ANO1: variants seen among roughly 807,000 people sequenced by gnomAD.
The protein encoded by ANO1 is anoctamin-1.
A neutral mutation model predicts 124.0 loss-of-function variants in ANO1; 59 were observed. The ratio of observed to expected loss-of-function variants is 0.48; its 90% confidence interval spans 0.39 to 0.59. The LOEUF is 0.59. Ranked by LOEUF, ANO1 falls within the 20% of genes least tolerant of loss-of-function variation. The pLI is 0.00. For synonymous variants in ANO1, 529 were observed against 532.0 expected (o/e 0.99, Z 0.08); for missense variants, 1,059 against 1,328.0 (o/e 0.80, Z 3.15).
At chr11:70,133,088 G>T (rs2135531182) in intron 11 of ANO1, among the ~76,000 whole-genome samples, 1 of 152,184 alleles carries the variant, frequency 6.6e-6, no homozygotes, top group Non-Finnish European at 1.5e-5. Flanking sequence ...CTTGGGGCAG[G>T]CTCCCGGGGC....
chr11:70,158,935 C>T (rs146147533), intron 16 of ANO1, among the ~76,000 whole-genome samples: 3 of 152,170 alleles, frequency 2.0e-5, no homozygotes, highest in African/African-American at 4.8e-5. Context: ...CCCCTCTGGC[C>T]AGGTGCCAGG....
chr11:70,064,706 G>A (rs1857675116), intron 1 of ANO1: 1 of 152,212 alleles, frequency 6.6e-6, no homozygotes, highest in African/African-American at 2.4e-5. Flanking sequence ...GCCGTCTGTG[G>A]GCCTGATGCT....
At chr11:70,056,825 T>G (rs1857445768) in intron 1 of ANO1, among the ~76,000 whole-genome samples, 1 of 108,752 alleles carries the variant, frequency 9.2e-6, no homozygotes, top group African/African-American at 3.4e-5. Flanking sequence ...TTCTGTGTTT[T>G]ACATCTTTTT....
the ANO1 span, among the ~76,000 whole-genome samples, chr11:69,969,744 C>A: frequency 6.6e-6 from 1 of 152,048 alleles, no homozygotes; most frequent in Non-Finnish European, 1.5e-5. Context: ...GTCAGGAGTT[C>A]GAGAACAGCC....
chr11:70,105,714 C>T lies in ANO1; in HGVS notation c.693-20C>T. On this transcript the variant is annotated intron_variant, in intron 4 of 25. Transcript: ENST00000355303. ...AGCTCTGGTGAACTGTGTCTTGTTT[C>T]CTTCCCGATATTTCCACAGATTTGA... 1 of 1,612,746 alleles carries T rather than the reference C, an allele frequency of 6.2e-7. No homozygotes were observed. The highest frequency in any genetic ancestry group is 8.5e-7 in the Non-Finnish European group (1 of 1,178,982).
intron 1 of ANO1, among the ~76,000 whole-genome samples, chr11:70,032,251 G>T (rs896605678): frequency 1.3e-5 from 2 of 152,324 alleles, no homozygotes; most frequent in African/African-American, 4.8e-5. Context: ...TCTGTCAGGA[G>T]AGAAGCAGTC....
At chr11:69,981,678 C>T (rs1361590072), upstream of ANO1, among the ~76,000 whole-genome samples, 7 of 152,218 alleles carry the variant, frequency 4.6e-5, no homozygotes, top group African/African-American at 1.4e-4. Context: ...CCTCCTCTCC[C>T]GCTAGCCCTG....
At chr11:69,990,796 C>T (rs907185877) in intron 1 of ANO1, among the ~76,000 whole-genome samples, 8 of 152,150 alleles carry the variant, frequency 5.3e-5, no homozygotes, top group African/African-American at 1.9e-4. Flanking sequence ...ATTCCTTTGT[C>T]TATTTTCTAA....
chr11:70,116,994 C>A (rs1404714372), intron 8 of ANO1, among the ~76,000 whole-genome samples: 1 of 151,988 alleles, frequency 6.6e-6, no homozygotes, highest in Non-Finnish European at 1.5e-5. Context: ...CTCAAATTTA[C>A]CTGACCTGGA....
chr11:69,993,638 C>A (rs1472351155), intron 1 of ANO1, among the ~76,000 whole-genome samples: 1 of 152,214 alleles, frequency 6.6e-6, no homozygotes, highest in Non-Finnish European at 1.5e-5. Flanking sequence ...GTATCCTTGC[C>A]CCTTGGTTTG....
chr11:70,058,889 C>T (rs954149115), intron 1 of ANO1, among the ~76,000 whole-genome samples: 1 of 152,040 alleles, frequency 6.6e-6, no homozygotes, highest in Non-Finnish European at 1.5e-5. Flanking sequence ...CTAATAAAAG[C>T]TGGACTATTG....
intron 5 of ANO1, among the ~76,000 whole-genome samples, chr11:70,106,067 T>C (rs1354978683): frequency 6.6e-6 from 1 of 152,072 alleles, no homozygotes; most frequent in African/African-American, 2.4e-5. Flanking sequence ...TGTTTCTGGA[T>C]CTGTGCAGCT....
At chr11:70,057,499 C>T (rs544183670) in intron 1 of ANO1, among the ~76,000 whole-genome samples, 2 of 151,756 alleles carry the variant, frequency 1.3e-5, no homozygotes, top group African/African-American at 4.8e-5. Flanking sequence ...TGGGTGCAGG[C>T]GAGGCAGACT....
chr11:70,080,842 G>A (rs1042011661), intron 1 of ANO1, among the ~76,000 whole-genome samples: 7 of 152,224 alleles, frequency 4.6e-5, no homozygotes. Flanking sequence ...CAGACAGGCT[G>A]GAGGCTGCAG....
chr11:70,153,331 A>T (rs924847598), intron 14 of ANO1, among the ~76,000 whole-genome samples: 2 of 152,252 alleles, frequency 1.3e-5, no homozygotes, highest in Admixed American at 6.5e-5. Flanking sequence ...ACTGTGTTCC[A>T]ATAAAACTTT....
chr11:70,126,835 G>A (rs2046534712), intron 10 of ANO1, among the ~76,000 whole-genome samples: 1 of 150,172 alleles, frequency 6.7e-6, no homozygotes. Flanking sequence ...GCTCCCAGGA[G>A]GTGAGACGTG....
chr11:70,019,658 C>T (rs547769409), intron 1 of ANO1, among the ~76,000 whole-genome samples: 1 of 152,232 alleles, frequency 6.6e-6, no homozygotes, highest in Non-Finnish European at 1.5e-5. Flanking sequence ...GGCAAACACT[C>T]TAAGTCAGCT....
intron 1 of ANO1, among the ~76,000 whole-genome samples, chr11:69,997,780 C>T (rs1269241647): frequency 2.6e-5 from 4 of 152,016 alleles, no homozygotes; most frequent in East Asian, 1.9e-4. Flanking sequence ...AAAAGTGTGT[C>T]ATACTTCACC....
At chr11:70,020,673 A>T (rs1449347641) in intron 1 of ANO1, among the ~76,000 whole-genome samples, 1 of 152,196 alleles carries the variant, frequency 6.6e-6, no homozygotes, top group Non-Finnish European at 1.5e-5. Context: ...AATCCCACAG[A>T]GTCCATCTCG....
Sources: gnomAD v4.1 joint callset for allele counts (sites outside exome capture counted in the v4.1 genomes callset) on GRCh38, gnomAD v4.1.1 for gene constraint, MANE v1.5 for transcripts, NCBI Gene and HGNC (gene_info 2026-07-23, HGNC 2026-07-21) for gene names.